Variants in APBB2 observed in about 807,000 individuals in gnomAD.
APBB2 encodes the protein amyloid beta precursor protein binding family B member 2.
A neutral mutation model predicts 82.5 loss-of-function variants in APBB2; 38 were observed. That is an observed-to-expected ratio of 0.46 (90% CI 0.36 to 0.60). The LOEUF (loss-of-function observed/expected upper bound fraction) is 0.60, where lower values mean the gene tolerates loss of function less well. APBB2 is among the 20% of genes least tolerant of loss of function. The pLI, the probability that APBB2 is intolerant of heterozygous loss-of-function variation, is 0.00. For missense variants in APBB2, 772 were observed against 972.3 expected, an observed-to-expected ratio of 0.79 and a Z score of 2.74; for synonymous variants, 341 against 368.2, an observed-to-expected ratio of 0.93 and a Z score of 0.85.
intron 1 of APBB2, chr4:41,177,671 G>C (rs1021174551): frequency 6.6e-6 from 1 of 152,128 alleles, no homozygotes; most frequent in African/African-American, 2.4e-5. Context: ...GCACAGCCTG[G>C]GAAGTTTCAG....
At chr4:41,139,928 A>G (rs1016690618) in intron 2 of APBB2, among the ~76,000 whole-genome samples, 4 of 152,222 alleles carry the variant, frequency 2.6e-5, no homozygotes. Context: ...ATGTATCAAT[A>G]TTGGCTCATC....
intron 1 of APBB2, among the ~76,000 whole-genome samples, chr4:41,152,803 C>T (rs1363926165): frequency 6.6e-6 from 1 of 152,196 alleles, no homozygotes; most frequent in African/African-American, 2.4e-5. Flanking sequence ...CCAAAGGGCA[C>T]TATCTTCCTA....
chr4:40,844,728 G>A (rs1038121228), intron 12 of APBB2, among the ~76,000 whole-genome samples: 4 of 152,204 alleles, frequency 2.6e-5, no homozygotes, highest in African/African-American at 9.7e-5. Flanking sequence ...CCACAGCTGG[G>A]TAACATTATG....
At position 40,816,153 on chromosome 4, in the gene APBB2, C is replaced by T. The variant is rs190529086; in HGVS notation, c.2219G>A (p.Arg740Gln). The T allele has an allele frequency of 1.4e-3, 2,282 of 1,614,132 alleles. 28 individuals carry two copies. Among genetic ancestry groups the T allele is most frequent in the Non-Finnish European group, 4.8e-4 (571 of 1,180,032 alleles). ...AGTGTCAATGAGGGATAAGACCCCT[C>T]GTTTTACATTGGTTGTGACTCTTCT... The part of the protein sequence containing the change: ...VTRRVTTNVK[R>Q]GVLSLIDTLK... The change falls in exon 18 of 18, where the codon CGA becomes CAA. Residue 740 changes from arginine to glutamine, a missense_variant. Arg to Gln is a conservative substitution (Grantham distance 43). Coordinates refer to ENST00000508593, the MANE Select transcript of APBB2 (RefSeq NM_004307.2).
chr4:40,971,776 C>T (rs1795982952), intron 6 of APBB2, among the ~76,000 whole-genome samples: 1 of 152,112 alleles, frequency 6.6e-6, no homozygotes, highest in Admixed American at 6.6e-5. Flanking sequence ...TAATCTGACA[C>T]CAGGTGGCAG....
Position 40,826,049 on chromosome 4 carries a change from T to C in APBB2, c.1733-79A>G. On this transcript the variant is annotated intron_variant, in intron 14 of 17. Coordinates refer to ENST00000508593, the MANE Select transcript of APBB2 (RefSeq NM_004307.2). This position sits in a 1 kb window ranked among gnomAD's most constrained non-coding sequence, Gnocchi z 4.5. The stretch of plus-strand genomic sequence containing the variant: ...ACAACAGCCGTGGCTCTGCATCATC[T>C]GAATGCTCAGGACACGCCCTGTGCC... 1 of 1,092,144 alleles carries C rather than the reference T, an allele frequency of 9.2e-7. No homozygotes were observed. Among genetic ancestry groups the C allele is most frequent in the Non-Finnish European group, 1.4e-6 (1 of 704,808 alleles). The allele number at this position is 1,092,144 out of a possible 1,614,324, so 67.7% of individuals were successfully genotyped here. A position where few individuals can be genotyped will look rare whatever the true frequency, so the allele number is the denominator to read the frequency against.
chr4:40,930,331 C>T (rs752116167), intron 10 of APBB2, among the ~76,000 whole-genome samples: 15 of 151,908 alleles, frequency 9.9e-5, no homozygotes, highest in Non-Finnish European at 2.1e-4. Context: ...ACATATATGG[C>T]TATCAAGTAC....
At chr4:40,917,998 T>G (rs940353681) in intron 10 of APBB2, among the ~76,000 whole-genome samples, 1 of 152,252 alleles carries the variant, frequency 6.6e-6, no homozygotes, top group Non-Finnish European at 1.5e-5. Context: ...AAACGCAATC[T>G]CTGTGAAACT....
intron 1 of APBB2, among the ~76,000 whole-genome samples, chr4:41,155,430 C>CAAA (rs1402578843): frequency 6.6e-6 from 1 of 152,160 alleles, no homozygotes; most frequent in Non-Finnish European, 1.5e-5. Flanking sequence ...GATTATGCGT[C>CAAA]TTTAACAAGC....
intron 1 of APBB2, among the ~76,000 whole-genome samples, chr4:41,165,884 T>C (rs1453901416): frequency 1.1e-4 from 16 of 148,996 alleles, no homozygotes; most frequent in African/African-American, 3.5e-4. Context: ...TTTTTTTTTT[T>C]TTTTTTTGAG....
intron 1 of APBB2, among the ~76,000 whole-genome samples, chr4:41,211,121 G>A (rs542635654): frequency 6.6e-6 from 1 of 152,074 alleles, no homozygotes; most frequent in Non-Finnish European, 1.5e-5. Flanking sequence ...CAGGCGTGGT[G>A]GCGGGCACCT....
At chr4:40,964,828 A>C (rs540219412) in intron 6 of APBB2, among the ~76,000 whole-genome samples, 6 of 150,004 alleles carry the variant, frequency 4.0e-5, no homozygotes, top group South Asian at 4.4e-4. Flanking sequence ...CATTAAACAC[A>C]TTAGAATAGT....
In APBB2 at chr4:41,061,254, C is replaced by G. The variant is rs139949574; in HGVS notation, c.-51+4322G>C. The stretch of plus-strand genomic sequence containing the variant: ...AAATATGCAATTTTTATTAGCAATT[C>G]CTGGAATATAGTCATGTGTTGCTGA... On this transcript the variant is annotated intron_variant, in intron 4 of 17. Transcript: ENST00000508593. Among the ~76,000 whole-genome samples the G allele has an allele frequency of 1.3e-4, 20 of 152,320 alleles. No homozygotes were observed. In the East Asian group the frequency reaches 3.9e-3, roughly 29 times the overall value.
intron 6 of APBB2, among the ~76,000 whole-genome samples, chr4:40,955,831 A>G (rs1791494160): frequency 6.6e-6 from 1 of 151,910 alleles, no homozygotes; most frequent in South Asian, 2.1e-4. Flanking sequence ...GGCTGAATGC[A>G]ATGGCATGAT....
chr4:40,973,075 C>A lies in APBB2; in HGVS notation c.836-28002G>T, dbSNP rs576798927. Reference sequence around the variant, plus strand: ...CATATATTTGAATGACATATACATACCCCTTTTATCCCAAATGTGCAGAAT... The same window carrying A: ...CATATATTTGAATGACATATACATAACCCTTTTATCCCAAATGTGCAGAAT... On this transcript the variant is annotated intron_variant, in intron 6 of 17. Transcript: ENST00000508593. Among the ~76,000 whole-genome samples, 15 of 152,282 alleles carry A rather than the reference C, an allele frequency of 9.9e-5. No individual in the cohort carries two copies. The East Asian group carries it at 2.3e-3, about 23-fold the overall frequency.
intron 12 of APBB2, among the ~76,000 whole-genome samples, chr4:40,867,557 C>T (rs1017526143): frequency 2.6e-5 from 4 of 152,304 alleles, no homozygotes; most frequent in East Asian, 1.9e-4. Context: ...TAAATTGATA[C>T]ATCACACATA....
At chr4:41,142,256 T>A (rs1399308654) in intron 2 of APBB2, among the ~76,000 whole-genome samples, 1 of 152,198 alleles carries the variant, frequency 6.6e-6, no homozygotes, top group African/African-American at 2.4e-5. Flanking sequence ...TCTGTCCCTG[T>A]ATAATATATG....
intron 6 of APBB2, among the ~76,000 whole-genome samples, chr4:40,997,476 G>A (rs923430546): frequency 6.6e-6 from 1 of 152,220 alleles, no homozygotes; most frequent in Non-Finnish European, 1.5e-5. Context: ...GGTCAGTTAA[G>A]TACATTAGCA....
chr4:41,136,763 A>G (rs556469225), intron 2 of APBB2, among the ~76,000 whole-genome samples: 18 of 152,326 alleles, frequency 1.2e-4, no homozygotes, highest in South Asian at 2.1e-4. Context: ...GAGAAGGGAA[A>G]TGTCTCTGCA....
Sources: allele counts gnomAD v4.1 joint callset (sites outside exome capture counted in the v4.1 genomes callset), GRCh38; gene constraint gnomAD v4.1.1; non-coding constraint Gnocchi (gnomAD v3.1); transcripts MANE v1.5; gene names NCBI Gene and HGNC (gene_info 2026-07-23, HGNC 2026-07-21).